Variants in APC observed in about 807,000 individuals in gnomAD.
APC encodes the protein APC regulator of Wnt signaling pathway.
APC carries 72 observed loss-of-function variants against 247.0 expected under a neutral mutation model. That is an observed-to-expected ratio of 0.29 (90% CI 0.24 to 0.35). The LOEUF (loss-of-function observed/expected upper bound fraction) is 0.35. Ranked by LOEUF, APC falls within the 10% of genes least tolerant of loss-of-function variation. The probability of loss-of-function intolerance (pLI) is 1.00; values close to 1 mark genes in which losing one functional copy is unlikely to be tolerated. For missense variants in APC, 3,400 were observed against 3,360.7 expected (o/e 1.01, Z -0.29); for synonymous variants, 1,254 against 1,162.5 (o/e 1.08, Z -1.60).
chr5:112,754,222 A>C (rs1754698172), intron 1 of APC, among the ~76,000 whole-genome samples: 2 of 152,184 alleles, frequency 1.3e-5, no homozygotes, highest in South Asian at 4.1e-4. Flanking sequence ...CCTTTTGAAT[A>C]AATGTGATTG....
At position 112,827,134 on chromosome 5, in the gene APC, T is replaced by A. The variant is rs780577693; in HGVS notation, c.1435T>A (p.Leu479Met). ...GGGACTACAGGCCATTGCAGAATTA[T>A]TGCAAGTGGACTGTGAAATGTATGG... is the stretch of plus-strand genomic sequence containing the variant. ...LGGLQAIAELLQVDCEMYGLT... is the reference protein window; with the variant it reads ...LGGLQAIAELMQVDCEMYGLT... Residue 479 changes from leucine (L) to methionine (M), a missense_variant, in exon 12 of 16, where the codon TTG (leucine) becomes ATG (methionine). By Grantham distance (15) the Leu-to-Met change is conservative (BLOSUM62 2). This residue lies in a region of APC where 199 missense variants were observed against 212.5 expected (regional missense o/e 0.94). Transcript: ENST00000257430. 2.5e-6 allele frequency: 4 copies of A among 1,613,800 alleles called. No homozygotes were observed. Among genetic ancestry groups the A allele is most frequent in the Non-Finnish European group, 3.4e-6 (4 of 1,179,842 alleles).
intron 1 of APC, among the ~76,000 whole-genome samples, chr5:112,718,776 C>G (rs898582418): frequency 2.6e-5 from 4 of 152,174 alleles, no homozygotes; most frequent in African/African-American, 9.7e-5. Context: ...TCTGAATAAC[C>G]TGGTCTGCTG....
chr5:112,789,849 T>TA (rs1220307687), intron 6 of APC, among the ~76,000 whole-genome samples: 2 of 149,860 alleles, frequency 1.3e-5, no homozygotes, highest in Admixed American at 6.6e-5. Context: ...ATTTGTTACT[T>TA]AAAGAATATT....
At chr5:112,836,177 C>CT (rs565168034) in intron 15 of APC, among the ~76,000 whole-genome samples, 4,546 of 88,126 alleles carry the variant, frequency 0.052, 518 homozygotes, top group East Asian at 0.19. Flanking sequence ...CCCCCCCCCC[C>CT]CCGCCACCGT....
In APC at chr5:112,840,455, C is replaced by G. The variant is rs762533972; in HGVS notation, c.4861C>G (p.Gln1621Glu). The G allele has an allele frequency of 1.1e-5, 17 of 1,614,218 alleles. No individual in the cohort carries two copies. The highest frequency in any genetic ancestry group is 1.4e-5 in the Non-Finnish European group (17 of 1,180,032). ...GCCTGTGTACAAACTTCTACCATCA[C>G]AAAACAGGTTGCAACCCCAAAAGCA... is the stretch of plus-strand genomic sequence containing the variant. ...QLPVYKLLPS[Q>E]NRLQPQKHVS... Residue 1621 changes from glutamine (Q) to glutamate (E), a missense_variant, in exon 16 of 16, where the codon CAA becomes GAA. Gln to Glu is a conservative substitution (Grantham distance 29). This residue lies in a region of APC where 1,788 missense variants were observed against 1,649.5 expected (regional missense o/e 1.08). Transcript: ENST00000257430. The surrounding 1 kb of genome is among the most constrained non-coding windows in gnomAD (Gnocchi z 4.1).
Position 112,775,684 on chromosome 5 carries a change from G to T in APC, c.478G>T (p.Ala160Ser), listed in dbSNP as rs1114167556. ...AGAAAAGGAAAAAGACTGGTATTAC[G>T]CTCAACTTCAGAATCTCACTAAAAG... ...KEEKEKDWYY[A>S]QLQNLTKRID... The change falls in exon 5 of 16, where the codon GCT becomes TCT. Residue 160 changes from alanine (A) to serine (S), a missense_variant. Transcript: ENST00000257430. 1.2e-6 allele frequency: 2 copies of T among 1,607,212 alleles called. No homozygotes were observed. Among genetic ancestry groups the T allele is most frequent in the South Asian group, 2.2e-5 (2 of 89,164 alleles).
intron 8 of APC, among the ~76,000 whole-genome samples, chr5:112,810,909 C>T (rs1761920957): frequency 6.6e-6 from 1 of 152,124 alleles, no homozygotes; most frequent in Non-Finnish European, 1.5e-5. Flanking sequence ...CCTGTAATCC[C>T]AGCTACTCTG....
intron 1 of APC, among the ~76,000 whole-genome samples, chr5:112,745,548 T>TTTA (rs139166227): frequency 0.36 from 53,206 of 148,606 alleles, 11,400 homozygotes; most frequent in East Asian, 0.66. Context: ...TAATATTCAC[T>TTTA]TTATTATTAT....
chr5:112,774,150 A>G (rs1302915303), intron 4 of APC, among the ~76,000 whole-genome samples: 2 of 152,194 alleles, frequency 1.3e-5, no homozygotes, highest in Non-Finnish European at 2.9e-5. Flanking sequence ...GTACCCTCCA[A>G]CTAAGAGTTG....
At chr5:112,822,029 C>A in intron 11 of APC, 38 bp downstream of exon 11, 2 of 1,304,346 alleles carry the variant, frequency 1.5e-6, no homozygotes, top group Non-Finnish European at 2.2e-6. Flanking sequence ...TAGACAATTA[C>A]TGGTGGATTT....
intron 1 of APC, among the ~76,000 whole-genome samples, chr5:112,744,623 G>C (rs545466549): frequency 6.6e-6 from 1 of 152,270 alleles, no homozygotes; most frequent in African/African-American, 2.4e-5. Context: ...GGGCCTTAAA[G>C]GATGAGGATA....
chr5:112,728,733 G>T (rs547301205), intron 1 of APC, among the ~76,000 whole-genome samples: 13 of 151,318 alleles, frequency 8.6e-5, no homozygotes, highest in Non-Finnish European at 1.8e-4. Context: ...ATATTTTCCA[G>T]TTGAAAAAGC....
intron 1 of APC, among the ~76,000 whole-genome samples, chr5:112,726,275 G>A (rs554862490): frequency 3.3e-5 from 5 of 152,258 alleles, no homozygotes; most frequent in South Asian, 2.1e-4. Context: ...GGTTGTACAC[G>A]GACTTGAAGG....
intron 12 of APC, 44 bp downstream of exon 12, chr5:112,827,291 A>T (rs2149810925): frequency 6.2e-7 from 1 of 1,604,422 alleles, no homozygotes; most frequent in Non-Finnish European, 8.5e-7. Flanking sequence ...CTCAGGTATG[A>T]GTTAATTTAC....
intron 1 of APC, among the ~76,000 whole-genome samples, chr5:112,720,881 C>G (rs1751447032): frequency 6.6e-6 from 1 of 152,076 alleles, no homozygotes; most frequent in Admixed American, 6.5e-5. Flanking sequence ...TGGAATTGTT[C>G]AGCTAGAGTT....
chr5:112,829,037 T>G, intron 14 of APC, 65 bp downstream of exon 14: 5 of 1,088,234 alleles, frequency 4.6e-6, no homozygotes, highest in Non-Finnish European at 4.3e-6. Flanking sequence ...TGCTGCCTTC[T>G]TTTAGCCATG....
At chr5:112,717,908 C>CTTTTTTTTTTTTTTTTTTTTTTTTTTTT in intron 1 of APC, among the ~76,000 whole-genome samples, 738 of 40,672 alleles carry the variant, frequency 0.018, 275 homozygotes, top group Non-Finnish European at 0.024. Context: ...TTTTCTTTTT[C>CTTTTTTTTTTTTTTTTTTTTTTTTTTTT]TTTTTTTTTT....
intron 10 of APC, among the ~76,000 whole-genome samples, chr5:112,820,704 T>A (rs1301795522): frequency 2.0e-5 from 3 of 152,230 alleles, no homozygotes; most frequent in African/African-American, 4.8e-5. Context: ...AGAAGTTTTT[T>A]AAAAACTTAC....
At chr5:112,819,414 TGTTTA>T (rs1230173260) in intron 10 of APC, 70 bp downstream of exon 10, 3 of 1,592,224 alleles carry the variant, frequency 1.9e-6, no homozygotes, top group Non-Finnish European at 2.6e-6. Flanking sequence ...ACAGAAAACA[TGTTTA>T]GTTAATATGC....
Sources: gnomAD v4.1 joint callset for allele counts (sites outside exome capture counted in the v4.1 genomes callset) on GRCh38, gnomAD v4.1.1 for gene constraint, gnomAD v4.1.1 regional missense constraint, Gnocchi (gnomAD v3.1) non-coding constraint, MANE v1.5 for transcripts, NCBI Gene and HGNC (gene_info 2026-07-23, HGNC 2026-07-21) for gene names.